The following SETD2 variants were observed in gnomAD, a reference collection of about 807,000 sequenced individuals.
SETD2 encodes the protein SET domain containing 2, histone lysine methyltransferase.
A neutral mutation model predicts 242.1 loss-of-function variants in SETD2; 31 were observed. That is an observed-to-expected ratio of 0.13 (90% confidence interval 0.10 to 0.17). SETD2 has a LOEUF of 0.17. Among genes scored for constraint, SETD2 ranks in the 10% least tolerant of loss-of-function variants. The probability of loss-of-function intolerance (pLI) is 1.00; values close to 1 mark genes in which losing one functional copy is unlikely to be tolerated. For missense variants in SETD2, 2,481 were observed against 3,046.3 expected (o/e 0.81, Z 4.37); for synonymous variants, 1,006 against 1,066.5 (o/e 0.94, Z 1.11).
Position 47,134,938 on chromosome 3 carries a change from GA to G in SETD2, c.72-8276del, listed in dbSNP as rs369557583. On this transcript the variant is annotated intron_variant, in intron 1 of 20. Transcript: ENST00000409792. Reference sequence around the variant, plus strand: ...CACACCCGGCCTGAATGACATTTTAGAAAGGTAACACTTAACTATAAATATC... The same window carrying G: ...CACACCCGGCCTGAATGACATTTTAGAAGGTAACACTTAACTATAAATATC... Among the ~76,000 whole-genome samples the G allele has an allele frequency of 5.2e-4, 79 of 152,166 alleles. 2 individuals are homozygous for G. The highest frequency in any genetic ancestry group is 1.8e-3 in the African/African-American group (73 of 41,540).
chr3:47,085,783 T>G (rs936622779), intron 11 of SETD2, among the ~76,000 whole-genome samples: 2 of 152,202 alleles, frequency 1.3e-5, no homozygotes, highest in Non-Finnish European at 2.9e-5. Flanking sequence ...ATTTAAAAGA[T>G]TCCTCAAAAT....
At chr3:47,049,482 C>G (rs1373761100) in intron 15 of SETD2, among the ~76,000 whole-genome samples, 1 of 145,582 alleles carries the variant, frequency 6.9e-6, no homozygotes, top group Non-Finnish European at 1.5e-5. Context: ...ACGCCATTCT[C>G]CTGCCTCAGC....
rs778575217 is a variant in SETD2 at position 47,120,457 on chromosome 3, T to C, written c.4179A>G (p.Leu1393=). 2 of 1,613,204 alleles carry C rather than the reference T, an allele frequency of 1.2e-6. No individual in the cohort carries two copies. Among genetic ancestry groups the C allele is most frequent in the Non-Finnish European group, 8.5e-7 (1 of 1,179,720 alleles). Residue 1393 remains leucine (L), a synonymous_variant, in exon 3 of 21, where the codon TTA becomes TTG. Coordinates refer to ENST00000409792, the MANE Select transcript of SETD2 (RefSeq NM_014159.7). The part of the protein sequence containing the change: ...VNEKKDFSKN[L]EKNDIKDRGP... ...CTCTATCTTTGATATCATTTTTTTC[T>C]AAGTTTTTTGAAAAATCTTTCTTTT...
chr3:47,127,991 T>C (rs987113698), intron 1 of SETD2, among the ~76,000 whole-genome samples: 1 of 112,004 alleles, frequency 8.9e-6, no homozygotes, highest in Non-Finnish European at 1.8e-5. Context: ...TGTCTCTCTC[T>C]CTCACACACA....
intron 18 of SETD2, among the ~76,000 whole-genome samples, chr3:47,036,760 G>A (rs1002863587): frequency 2.6e-4 from 39 of 151,940 alleles, no homozygotes; most frequent in African/African-American, 8.2e-4. Context: ...AAAATTAGCC[G>A]GGCGTGGAGT....
intron 15 of SETD2, among the ~76,000 whole-genome samples, chr3:47,052,692 C>G (rs1050933430): frequency 6.6e-6 from 1 of 151,894 alleles, no homozygotes; most frequent in African/African-American, 2.4e-5. Context: ...GTGGTGCACA[C>G]CTGTAATCCC....
At chr3:47,092,552 G>T (rs1456241904) in intron 9 of SETD2, among the ~76,000 whole-genome samples, 1 of 147,898 alleles carries the variant, frequency 6.8e-6, no homozygotes, top group Non-Finnish European at 1.5e-5. Flanking sequence ...GTAATTTATA[G>T]ATAGTATATA....
At chr3:47,131,940 G>A (rs2043487201) in intron 1 of SETD2, among the ~76,000 whole-genome samples, 1 of 151,504 alleles carries the variant, frequency 6.6e-6, no homozygotes, top group Admixed American at 6.6e-5. Flanking sequence ...ACCGTGCCCA[G>A]CTAATTTTTG....
intron 1 of SETD2, among the ~76,000 whole-genome samples, chr3:47,154,229 T>A (rs139034864): frequency 6.6e-6 from 1 of 152,086 alleles, no homozygotes; most frequent in African/African-American, 2.4e-5. Flanking sequence ...GCCAACATGG[T>A]GAAACCCCGT....
chr3:47,041,454 C>A, intron 17 of SETD2: 1 of 323,900 alleles, frequency 3.1e-6, no homozygotes, highest in Non-Finnish European at 6.2e-6. Context: ...TCGTGCAGAT[C>A]AGTCTGGGCA....
chr3:47,046,198 G>A lies in SETD2; in HGVS notation c.7098+289C>T, dbSNP rs149317108. ...ACTAAAAATACAAAATTAGCCAGGC[G>A]TGGTGGCACACACCTGTAATCCCAG... On this transcript the variant is annotated intron_variant, in intron 16 of 20. Coordinates refer to ENST00000409792, the MANE Select transcript of SETD2 (RefSeq NM_014159.7). Among the ~76,000 whole-genome samples the A allele has an allele frequency of 1.6e-3, 244 of 151,734 alleles. 1 individual carries two copies. The highest frequency in any genetic ancestry group is 5.6e-3 in the African/African-American group (230 of 41,368).
At chr3:47,039,567 T>C (rs1238546899) in intron 17 of SETD2, among the ~76,000 whole-genome samples, 1 of 151,366 alleles carries the variant, frequency 6.6e-6, no homozygotes, top group Admixed American at 6.6e-5. Context: ...TGTTTTGGTG[T>C]TAAAAAACAA....
At chr3:47,111,057 T>C (rs2042627700) in intron 5 of SETD2, among the ~76,000 whole-genome samples, 1 of 134,638 alleles carries the variant, frequency 7.4e-6, no homozygotes, top group African/African-American at 2.9e-5. Flanking sequence ...AAGAGAGGCT[T>C]GTGTCCAAAC....
chr3:47,103,156 G>A (rs1038595081), intron 7 of SETD2, among the ~76,000 whole-genome samples, 190 bp downstream of exon 7: 40 of 152,260 alleles, frequency 2.6e-4, no homozygotes, highest in African/African-American at 8.9e-4. Flanking sequence ...ATATATGGGT[G>A]TAGTCAATAC....
intron 4 of SETD2, among the ~76,000 whole-genome samples, chr3:47,116,216 A>G (rs1055162534): frequency 1.9e-4 from 29 of 152,296 alleles, no homozygotes; most frequent in African/African-American, 6.7e-4. Flanking sequence ...TGGAAAAATG[A>G]CAAAACAATG....
intron 17 of SETD2, among the ~76,000 whole-genome samples, chr3:47,040,641 C>A (rs912234108): frequency 7.4e-6 from 1 of 134,882 alleles, no homozygotes; most frequent in African/African-American, 2.8e-5. Flanking sequence ...GTGGCGCAAT[C>A]ATGGCTCACT....
intron 12 of SETD2, among the ~76,000 whole-genome samples, chr3:47,078,751 C>G (rs975613933): frequency 6.6e-6 from 1 of 151,400 alleles, no homozygotes; most frequent in African/African-American, 2.4e-5. Context: ...TTTTTTTTTA[C>G]ACAAAGTCTC....
Position 47,016,846 on chromosome 3 carries a change from G to T in SETD2, c.*247C>A, listed in dbSNP as rs1244768166. The T allele has an allele frequency of 1.2e-5, 6 of 482,634 alleles. No individual in the cohort carries two copies. The highest frequency in any genetic ancestry group is 1.9e-5 in the Non-Finnish European group (5 of 269,256). 29.9% of individuals were successfully genotyped at this position (482,634 alleles called of 1,614,324 possible). A position where few individuals can be genotyped will look rare whatever the true frequency, so the allele number is the denominator to read the frequency against. Reference sequence around the variant, plus strand: ...AAGAGTGGAGTCAGGTCTGGCCAGGGTCTTTTCTAAGCCCTTGCACCTCTG... The same window carrying T: ...AAGAGTGGAGTCAGGTCTGGCCAGGTTCTTTTCTAAGCCCTTGCACCTCTG... On this transcript the variant is annotated 3_prime_UTR_variant, in exon 21 of 21. Transcript: ENST00000409792.
At chr3:47,132,126 CAT>C (rs1406623248) in intron 1 of SETD2, among the ~76,000 whole-genome samples, 10 of 148,560 alleles carry the variant, frequency 6.7e-5, no homozygotes, top group Non-Finnish European at 1.0e-4. Context: ...TGAACATACA[CAT>C]ATCTTTTTTT....
Sources: allele counts gnomAD v4.1 joint callset (sites outside exome capture counted in the v4.1 genomes callset), GRCh38; gene constraint gnomAD v4.1.1; transcripts MANE v1.5; gene names NCBI Gene and HGNC (gene_info 2026-07-23, HGNC 2026-07-21).